ACBD6: variants seen among roughly 807,000 people sequenced by gnomAD.
ACBD6 encodes acyl-CoA-binding domain-containing protein 6.
A neutral mutation model predicts 37.2 loss-of-function variants in ACBD6; 28 were observed. The observed-to-expected ratio is 0.75, with a 90% CI of 0.56 to 1.03. ACBD6 has a LOEUF of 1.03. Ranked by LOEUF, ACBD6 falls within the 50% of genes least tolerant of loss-of-function variation. The pLI is 0.00. For missense variants in ACBD6, 340 were observed against 337.4 expected, an observed-to-expected ratio of 1.01 and a Z score of -0.06; for synonymous variants, 113 against 126.8, an observed-to-expected ratio of 0.89 and a Z score of 0.73.
chr1:180,493,271 A>AAAC (rs1651591274), intron 2 of ACBD6, among the ~76,000 whole-genome samples: 3 of 141,046 alleles, frequency 2.1e-5, no homozygotes, highest in African/African-American at 8.9e-5. Flanking sequence ...AAAAAAAAAA[A>AAAC]AAAAAAACAA....
At chr1:180,447,279 T>C (rs1269099417) in intron 3 of ACBD6, among the ~76,000 whole-genome samples, 1 of 152,204 alleles carries the variant, frequency 6.6e-6, no homozygotes, top group African/African-American at 2.4e-5. Flanking sequence ...AAGAACACTT[T>C]TTTTTTAACC....
rs1184809043 is a variant in ACBD6 at position 180,323,948 on chromosome 1, C to T, written c.664-9226G>A. 2.7e-3 allele frequency among the ~76,000 whole-genome samples: 2 copies of T among 736 alleles called. 1 individual carries two copies. The highest frequency in any genetic ancestry group is 4.1e-3 in the Non-Finnish European group (2 of 490). The allele number at this position is 736 out of a possible 152,430, so 0.5% of individuals were successfully genotyped here. A position where few individuals can be genotyped will look rare whatever the true frequency, so the allele number is the denominator to read the frequency against. ...ACTGCGGACTGCAGTGGCGCAATCT[C>T]GGCTCACTGCAAGCTCCGCTTCCCG... is the stretch of plus-strand genomic sequence containing the variant. On this transcript the variant is annotated intron_variant, in intron 6 of 7. Transcript: ENST00000367595.
At chr1:180,360,277 C>T (rs943003036) in intron 6 of ACBD6, among the ~76,000 whole-genome samples, 3 of 152,176 alleles carry the variant, frequency 2.0e-5, no homozygotes, top group African/African-American at 7.2e-5. Flanking sequence ...CCAAAAAATG[C>T]CCATCCACTC....
At chr1:180,342,309 T>G (rs964782509) in intron 6 of ACBD6, among the ~76,000 whole-genome samples, 2 of 152,126 alleles carry the variant, frequency 1.3e-5, no homozygotes, top group Non-Finnish European at 2.9e-5. Context: ...GATATCAAGA[T>G]TTTTCAACTC....
intron 5 of ACBD6, among the ~76,000 whole-genome samples, chr1:180,412,044 T>C (rs1161535963): frequency 6.6e-6 from 1 of 151,996 alleles, no homozygotes; most frequent in Non-Finnish European, 1.5e-5. Flanking sequence ...AGTCACTTTA[T>C]TGCAGTGGTC....
At chr1:180,293,132 T>C (rs1008702910) in intron 7 of ACBD6, among the ~76,000 whole-genome samples, 39 of 152,186 alleles carry the variant, frequency 2.6e-4, no homozygotes, top group African/African-American at 9.2e-4. Context: ...TAACATCTTA[T>C]TAAACATTTT....
At chr1:180,470,519 T>G (rs1650522616) in intron 3 of ACBD6, among the ~76,000 whole-genome samples, 1 of 152,204 alleles carries the variant, frequency 6.6e-6, no homozygotes, top group Admixed American at 6.5e-5. Context: ...AGAATAGCAA[T>G]GAACTGAGTT....
At chr1:180,405,035 A>C (rs1571464602) in intron 5 of ACBD6, among the ~76,000 whole-genome samples, 1 of 152,238 alleles carries the variant, frequency 6.6e-6, no homozygotes, top group East Asian at 1.9e-4. Flanking sequence ...AGTGTGAATA[A>C]AGTTCCTTCA....
At chr1:180,499,899 T>TAATGACCA (rs1437443397) in intron 1 of ACBD6, among the ~76,000 whole-genome samples, 1 of 152,184 alleles carries the variant, frequency 6.6e-6, no homozygotes, top group Non-Finnish European at 1.5e-5. Context: ...ATATTCATAA[T>TAATGACCA]AATGACCATC....
chr1:180,415,736 G>A (rs1366892684), intron 4 of ACBD6, among the ~76,000 whole-genome samples: 5 of 152,168 alleles, frequency 3.3e-5, no homozygotes, highest in Admixed American at 3.3e-4. Context: ...CTTTGGAGTG[G>A]CCCCTCTTCC....
chr1:180,307,793 A>G (rs947272861), intron 7 of ACBD6, among the ~76,000 whole-genome samples: 4 of 152,172 alleles, frequency 2.6e-5, no homozygotes, highest in African/African-American at 9.7e-5. Flanking sequence ...CGTCTCTACT[A>G]AAAATACAAA....
At chr1:180,380,276 AAAAC>A (rs59797090) in intron 6 of ACBD6, among the ~76,000 whole-genome samples, 73,253 of 151,306 alleles carry the variant, frequency 0.48, 20,498 homozygotes, top group South Asian at 0.66. Flanking sequence ...AAAACAAAAC[AAAAC>A]AAACAAACAA....
chr1:180,355,005 C>A (rs1486986400), intron 6 of ACBD6, among the ~76,000 whole-genome samples: 2 of 152,120 alleles, frequency 1.3e-5, no homozygotes, highest in African/African-American at 4.8e-5. Flanking sequence ...ATTTTGTATA[C>A]CTTTCTGCAT....
intron 1 of ACBD6, among the ~76,000 whole-genome samples, chr1:180,496,769 A>AT (rs1651757372): frequency 6.6e-6 from 1 of 152,190 alleles, no homozygotes; most frequent in African/African-American, 2.4e-5. Flanking sequence ...CCCTGTTATG[A>AT]TGGAATAGAG....
At chr1:180,361,012 A>T (rs1228857233) in intron 6 of ACBD6, among the ~76,000 whole-genome samples, 1 of 152,166 alleles carries the variant, frequency 6.6e-6, no homozygotes, top group Non-Finnish European at 1.5e-5. Context: ...TTTACTGCAC[A>T]GGCTAATGCT....
At chr1:180,501,893 CCAG>C (rs1651992904) in intron 1 of ACBD6, 149 bp downstream of exon 1, 2 of 747,792 alleles carry the variant, frequency 2.7e-6, no homozygotes, top group African/African-American at 2.0e-5. Context: ...ATGCTCATCC[CCAG>C]CAGATGGTCA....
chr1:180,408,485 T>C (rs984783614), intron 5 of ACBD6, among the ~76,000 whole-genome samples: 29 of 151,208 alleles, frequency 1.9e-4, no homozygotes, highest in Non-Finnish European at 2.8e-4. Flanking sequence ...CACATGGACA[T>C]AGGAAGGGGA....
downstream of ACBD6, among the ~76,000 whole-genome samples, chr1:180,283,313 T>C (rs560618443): frequency 6.6e-6 from 1 of 152,294 alleles, no homozygotes; most frequent in South Asian, 2.1e-4. Flanking sequence ...GACTCCTTAA[T>C]GCCCTCATAG....
intron 6 of ACBD6, among the ~76,000 whole-genome samples, chr1:180,389,105 T>C (rs1322512588): frequency 6.6e-6 from 1 of 152,170 alleles, no homozygotes; most frequent in East Asian, 1.9e-4. Flanking sequence ...CTGCACCCAT[T>C]GACTCGTCAT....
Sources: allele counts gnomAD v4.1 joint callset (sites outside exome capture counted in the v4.1 genomes callset), GRCh38; gene constraint gnomAD v4.1.1; transcripts MANE v1.5; gene names NCBI Gene and HGNC (gene_info 2026-07-23, HGNC 2026-07-21).